TUSC3: variants seen among roughly 807,000 people sequenced by gnomAD.
TUSC3 encodes dolichyl-diphosphooligosaccharide--protein glycosyltransferase subunit TUSC3.
A neutral mutation model predicts 44.8 loss-of-function variants in TUSC3; 45 were observed. The ratio of observed to expected loss-of-function variants is 1.00; its 90% CI spans 0.79 to 1.29. The LOEUF (loss-of-function observed/expected upper bound fraction) is 1.29. Ranked by LOEUF, TUSC3 falls within the 50% of genes most tolerant of loss-of-function variation. The pLI is 0.00. For missense variants in TUSC3, 519 were observed against 437.9 expected (o/e 1.19, Z -1.65); for synonymous variants, 212 against 152.9 (o/e 1.39, Z -2.85).
In TUSC3 at chr8:15,765,127, T is replaced by C. The variant is rs1006770162; in HGVS notation, c.*971T>C. 6.6e-6 allele frequency: 1 copy of C among 152,050 alleles called. No homozygotes were observed. Among genetic ancestry groups the C allele is most frequent in the African/African-American group, 2.4e-5 (1 of 41,450 alleles). The allele number at this position is 152,050 out of a possible 1,614,324, so 9.4% of individuals were successfully genotyped here. A position where few individuals can be genotyped will look rare whatever the true frequency, so the allele number is the denominator to read the frequency against. On this transcript the variant is annotated 3_prime_UTR_variant, in exon 11 of 11. Transcript: ENST00000503731. ...TATGTTTGTATCCTGTTTTAGTTTA[T>C]AAAGCACTTTCACATACATTATGGT...
intron 2 of TUSC3, among the ~76,000 whole-genome samples, chr8:15,500,179 G>C (rs2129126821): frequency 6.6e-6 from 1 of 152,256 alleles, no homozygotes; most frequent in Non-Finnish European, 1.5e-5. Flanking sequence ...CTACGGAGCT[G>C]TACACGTATC....
At chr8:15,636,565 T>C (rs1806085956) in intron 2 of TUSC3, among the ~76,000 whole-genome samples, 3 of 152,246 alleles carry the variant, frequency 2.0e-5, no homozygotes, top group African/African-American at 7.2e-5. Flanking sequence ...ACAACTCATG[T>C]TGCCGTAGGC....
intron 6 of TUSC3, among the ~76,000 whole-genome samples, chr8:15,677,007 G>A (rs1808220505): frequency 6.6e-6 from 1 of 152,092 alleles, no homozygotes; most frequent in Non-Finnish European, 1.5e-5. Flanking sequence ...GTTTGTAAAT[G>A]TTTATTTTTT....
chr8:15,727,768 TTTG>T (rs1479465076), intron 6 of TUSC3, among the ~76,000 whole-genome samples: 1 of 152,178 alleles, frequency 6.6e-6, no homozygotes, highest in East Asian at 1.9e-4. Context: ...AGATACAAAG[TTTG>T]TTGAAGTGGA....
At chr8:15,445,075 C>G (rs1158176880) in intron 1 of TUSC3, among the ~76,000 whole-genome samples, 2 of 152,130 alleles carry the variant, frequency 1.3e-5, no homozygotes, top group East Asian at 1.9e-4. Flanking sequence ...TTATTAGAAA[C>G]AAAAAATTTG....
intron 1 of TUSC3, among the ~76,000 whole-genome samples, chr8:15,454,629 C>T (rs972414650): frequency 6.6e-6 from 1 of 152,122 alleles, no homozygotes; most frequent in Admixed American, 6.5e-5. Context: ...TTTATAGTTC[C>T]CCTTGACTTG....
chr8:15,698,084 T>A (rs368727356), intron 6 of TUSC3, among the ~76,000 whole-genome samples: 2 of 152,208 alleles, frequency 1.3e-5, no homozygotes, highest in African/African-American at 4.8e-5. Context: ...CTATAACTTA[T>A]ACTCTTTTAT....
intron 2 of TUSC3, among the ~76,000 whole-genome samples, chr8:15,644,843 A>G (rs929716659): frequency 6.6e-6 from 1 of 152,094 alleles, no homozygotes; most frequent in South Asian, 2.1e-4. Flanking sequence ...AAAAGCCCCC[A>G]TTTGCCTTGT....
At chr8:15,617,502 T>A (rs1805050101) in intron 1 of TUSC3, among the ~76,000 whole-genome samples, 1 of 152,088 alleles carries the variant, frequency 6.6e-6, no homozygotes, top group Non-Finnish European at 1.5e-5. Context: ...AACGTCACAA[T>A]ATGCATTCTG....
At chr8:15,552,887 C>G (rs1239297231) in intron 1 of TUSC3, among the ~76,000 whole-genome samples, 2 of 151,544 alleles carry the variant, frequency 1.3e-5, no homozygotes. Context: ...CTGCAGATGT[C>G]AAAGTGAGAG....
chr8:15,468,206 T>C (rs144858479), intron 1 of TUSC3, among the ~76,000 whole-genome samples: 1 of 152,284 alleles, frequency 6.6e-6, no homozygotes, highest in African/African-American at 2.4e-5. Context: ...GTTTTGGTTT[T>C]TTCCTGAAGC....
At chr8:15,611,463 A>C in intron 1 of TUSC3, among the ~76,000 whole-genome samples, 1 of 152,228 alleles carries the variant, frequency 6.6e-6, no homozygotes, top group East Asian at 1.9e-4. Flanking sequence ...CTGGGATTAC[A>C]GGCGTGAGCC....
At chr8:15,744,899 C>A (rs1342467992) in intron 8 of TUSC3, among the ~76,000 whole-genome samples, 1 of 152,076 alleles carries the variant, frequency 6.6e-6, no homozygotes, top group South Asian at 2.1e-4. Flanking sequence ...TCTCATCACC[C>A]AATAATGAGC....
At chr8:15,826,134 G>A in the TUSC3 span, among the ~76,000 whole-genome samples, 3 of 152,048 alleles carry the variant, frequency 2.0e-5, no homozygotes, top group Non-Finnish European at 2.9e-5. Flanking sequence ...GCATGATTCT[G>A]ACTAGTTTAA....
intron 7 of TUSC3, among the ~76,000 whole-genome samples, chr8:15,736,667 A>C (rs1810951022): frequency 6.6e-6 from 1 of 152,212 alleles, no homozygotes; most frequent in Non-Finnish European, 1.5e-5. Flanking sequence ...TTCATTTCAC[A>C]TTTAGAGAAA....
chr8:15,743,411 T>C, intron 7 of TUSC3, 127 bp from the exon 8 acceptor site: 1 of 923,848 alleles, frequency 1.1e-6, no homozygotes, highest in Non-Finnish European at 1.8e-6. Context: ...TATATAAAGG[T>C]AATTGATTGT....
At chr8:15,714,557 G>T (rs1466774570) in intron 6 of TUSC3, among the ~76,000 whole-genome samples, 2 of 152,104 alleles carry the variant, frequency 1.3e-5, no homozygotes, top group African/African-American at 4.8e-5. Flanking sequence ...TGAAATACTT[G>T]TACTAATGAA....
At chr8:15,440,970 G>A (rs28664000) in intron 1 of TUSC3, among the ~76,000 whole-genome samples, 2 of 152,298 alleles carry the variant, frequency 1.3e-5, no homozygotes, top group Non-Finnish European at 1.5e-5. Flanking sequence ...GTTCATAGAT[G>A]TAGAGGTGCT....
chr8:15,603,347 C>T (rs1014905559), intron 1 of TUSC3, among the ~76,000 whole-genome samples: 8 of 151,494 alleles, frequency 5.3e-5, no homozygotes, highest in Admixed American at 5.3e-4. Flanking sequence ...CAACAGAATG[C>T]AAAAAGTCTG....
Sources: allele counts gnomAD v4.1 joint callset (sites outside exome capture counted in the v4.1 genomes callset), GRCh38; gene constraint gnomAD v4.1.1; transcripts MANE v1.5; gene names NCBI Gene and HGNC (gene_info 2026-07-23, HGNC 2026-07-21).